GRM7: variants seen among roughly 807,000 people sequenced by gnomAD.
The protein encoded by GRM7 is metabotropic glutamate receptor 7.
GRM7 carries 35 observed loss-of-function variants against 84.5 expected under a neutral mutation model. The ratio of observed to expected loss-of-function variants is 0.41; its 90% CI spans 0.32 to 0.55. The LOEUF (loss-of-function observed/expected upper bound fraction) is 0.55, where lower values mean the gene tolerates loss of function less well. Ranked by LOEUF, GRM7 falls within the 20% of genes least tolerant of loss-of-function variation. The pLI is 0.19. For synonymous variants in GRM7, 487 were observed against 455.1 expected (o/e 1.07, Z -0.89); for missense variants, 1,003 against 1,194.6 (o/e 0.84, Z 2.36).
At chr3:7,260,996 T>C (rs548930418) in intron 2 of GRM7, among the ~76,000 whole-genome samples, 91 of 152,302 alleles carry the variant, frequency 6.0e-4, no homozygotes, top group African/African-American at 2.0e-3. Flanking sequence ...ATTCAATGCC[T>C]TCCCTCTGAA....
chr3:7,107,253 T>A (rs1692690203), intron 1 of GRM7, among the ~76,000 whole-genome samples: 1 of 151,970 alleles, frequency 6.6e-6, no homozygotes, highest in African/African-American at 2.4e-5. Context: ...GAGTATACAG[T>A]CTAGTTTCTT....
intron 1 of GRM7, among the ~76,000 whole-genome samples, chr3:6,963,702 A>G (rs1038515651): frequency 1.3e-5 from 2 of 152,216 alleles, no homozygotes; most frequent in African/African-American, 2.4e-5. Flanking sequence ...ACAGTTTACA[A>G]TGAATGTGGG....
chr3:6,869,310 A>C (rs926150459), intron 1 of GRM7, among the ~76,000 whole-genome samples: 5 of 152,316 alleles, frequency 3.3e-5, no homozygotes, highest in African/African-American at 1.2e-4. Flanking sequence ...TATAATAAAA[A>C]TGTACCTGTC....
intron 1 of GRM7, among the ~76,000 whole-genome samples, chr3:6,891,266 C>G (rs1455599813): frequency 6.6e-6 from 1 of 152,096 alleles, no homozygotes; most frequent in African/African-American, 2.4e-5. Flanking sequence ...TGAATTTGAT[C>G]CTGTCATTAT....
chr3:7,064,505 C>CACATATACATATATATACATACACATAT (rs1553612672), intron 1 of GRM7, among the ~76,000 whole-genome samples: 1 of 101,008 alleles, frequency 9.9e-6, no homozygotes, highest in Non-Finnish European at 2.1e-5. Context: ...TATATATACA[C>CACATATACATATATATACATACACATAT]ATATATATAT....
At chr3:7,391,135 T>C (rs1452234527) in intron 4 of GRM7, among the ~76,000 whole-genome samples, 3 of 152,144 alleles carry the variant, frequency 2.0e-5, no homozygotes, top group Non-Finnish European at 4.4e-5. Context: ...GCCAAGACTC[T>C]GTACAGGTTC....
Position 7,516,926 on chromosome 3 carries a change from C to T in GRM7, c.1515+55204C>T, listed in dbSNP as rs530477463. ...ACTGGTGGTATTTTTATAAATGTAC[C>T]GTAATTCTAGGTTCCTGAGATGCAC... On this transcript the variant is annotated intron_variant, in intron 7 of 9. Transcript: ENST00000357716. Among the ~76,000 whole-genome samples the T allele has an allele frequency of 1.6e-3, 246 of 152,168 alleles. 3 individuals are homozygous for T. Among genetic ancestry groups the T allele is most frequent in the Non-Finnish European group, 1.7e-3 (113 of 68,010 alleles).
chr3:7,531,186 A>C (rs774355469), intron 7 of GRM7, among the ~76,000 whole-genome samples: 1 of 152,168 alleles, frequency 6.6e-6, no homozygotes, highest in African/African-American at 2.4e-5. Flanking sequence ...TCCCAACACC[A>C]TTTATTAAAC....
intron 4 of GRM7, among the ~76,000 whole-genome samples, chr3:7,390,411 G>A (rs6795982): frequency 0.68 from 102,558 of 151,882 alleles, 35,173 homozygotes; most frequent in African/African-American, 0.76. Flanking sequence ...GATTGGAGAA[G>A]TTTTCTTAAA....
chr3:6,921,192 G>A (rs1478240202), intron 1 of GRM7, among the ~76,000 whole-genome samples: 2 of 152,202 alleles, frequency 1.3e-5, no homozygotes, highest in African/African-American at 4.8e-5. Context: ...CTGCCGAGAG[G>A]CAACTTGTTT....
At chr3:6,998,508 A>G (rs1447477009) in intron 1 of GRM7, among the ~76,000 whole-genome samples, 1 of 152,160 alleles carries the variant, frequency 6.6e-6, no homozygotes, top group Non-Finnish European at 1.5e-5. Flanking sequence ...TCAGAGTTCC[A>G]CTAGGCAGTG....
chr3:7,575,727 A>G (rs1575513516), intron 7 of GRM7, among the ~76,000 whole-genome samples: 1 of 152,200 alleles, frequency 6.6e-6, no homozygotes, highest in South Asian at 2.1e-4. Context: ...AGCAGGAGGA[A>G]TCTTTGTTGG....
intron 2 of GRM7, among the ~76,000 whole-genome samples, chr3:7,239,661 A>G (rs1340445322): frequency 1.3e-5 from 2 of 152,132 alleles, no homozygotes; most frequent in Admixed American, 6.6e-5. Context: ...CATCCAGTCT[A>G]TTAAAGGCCT....
rs1044229971 is a variant in GRM7 at position 7,615,824 on chromosome 3, GTCTTGTTAACTCCTCA to G, written c.2451+36468_2451+36483del. Among the ~76,000 whole-genome samples the G allele has an allele frequency of 1.5e-4, 23 of 152,042 alleles. 1 individual carries two copies. The highest frequency in any genetic ancestry group is 5.3e-4 in the African/African-American group (22 of 41,480). The stretch of plus-strand genomic sequence containing the variant: ...TACCTTTTCCCTGTAATTCTTTTCT[GTCTTGTTAACTCCTCA>G]ATGCCTTGAAGAAGGTTTTATGTGT... On this transcript the variant is annotated intron_variant, in intron 8 of 9. Coordinates refer to ENST00000357716, the MANE Select transcript of GRM7 (RefSeq NM_000844.4).
chr3:6,938,398 G>A (rs1193118709), intron 1 of GRM7, among the ~76,000 whole-genome samples: 1 of 152,240 alleles, frequency 6.6e-6, no homozygotes, highest in Non-Finnish European at 1.5e-5. Context: ...CAGTCCAGCT[G>A]TAACTCCACT....
At chr3:7,484,834 T>C (rs1266069845) in intron 7 of GRM7, among the ~76,000 whole-genome samples, 1 of 152,210 alleles carries the variant, frequency 6.6e-6, no homozygotes, top group Non-Finnish European at 1.5e-5. Flanking sequence ...TAGTGACTCA[T>C]TCTTAACAAA....
intron 1 of GRM7, among the ~76,000 whole-genome samples, chr3:6,954,572 G>C (rs1692944874): frequency 6.6e-6 from 1 of 151,956 alleles, no homozygotes; most frequent in Non-Finnish European, 1.5e-5. Flanking sequence ...AACAACTTTG[G>C]TTCTGAATTC....
intron 1 of GRM7, among the ~76,000 whole-genome samples, chr3:6,926,677 C>CAAA (rs200681874): frequency 0.032 from 4,827 of 152,278 alleles, 236 homozygotes; most frequent in African/African-American, 0.11. Context: ...TTAGCTTGGC[C>CAAA]TGTTTCTTGC....
At position 7,614,330 on chromosome 3, in the gene GRM7, C is replaced by G. The variant is rs1254001149; in HGVS notation, c.2451+34973C>G. Among the ~76,000 whole-genome samples the G allele has an allele frequency of 3.3e-5, 5 of 152,200 alleles. No individual in the cohort carries two copies. The East Asian group carries it at 9.7e-4, about 29-fold the overall frequency. On this transcript the variant is annotated intron_variant, in intron 8 of 9. Transcript: ENST00000357716. ...GCACCCAGGTAAATAATCAGAACAT[C>G]ACTAACATCCCAGAGGTGCCCTTTT...
Sources: gnomAD v4.1 joint callset for allele counts (sites outside exome capture counted in the v4.1 genomes callset) on GRCh38, gnomAD v4.1.1 for gene constraint, MANE v1.5 for transcripts, NCBI Gene and HGNC (gene_info 2026-07-23, HGNC 2026-07-21) for gene names.